The following SEMA3C variants were observed in gnomAD, a reference collection of about 807,000 sequenced individuals.
SEMA3C encodes semaphorin 3C.
In SEMA3C, 47 loss-of-function variants were observed where a neutral mutation model predicts 89.4. The observed-to-expected ratio is 0.53, with a 90% CI of 0.42 to 0.67. The LOEUF is 0.67. SEMA3C is among the 30% of genes least tolerant of loss of function. SEMA3C has a pLI of 0.00. For missense variants in SEMA3C, 839 were observed against 929.1 expected (o/e 0.90, Z 1.26); for synonymous variants, 310 against 320.2 (o/e 0.97, Z 0.34).
At chr7:80,768,407 G>A (rs1216953581) in intron 12 of SEMA3C, among the ~76,000 whole-genome samples, 5 of 152,040 alleles carry the variant, frequency 3.3e-5, no homozygotes, top group Non-Finnish European at 5.9e-5. Flanking sequence ...CTAGCTACGC[G>A]GGAGGCTGAG....
chr7:80,774,694 T>A (rs556039459), intron 12 of SEMA3C, among the ~76,000 whole-genome samples: 1 of 152,024 alleles, frequency 6.6e-6, no homozygotes, highest in African/African-American at 2.4e-5. Flanking sequence ...GGGAAAAAGA[T>A]TGAAGAAGGT....
intron 2 of SEMA3C, among the ~76,000 whole-genome samples, chr7:80,882,112 T>C (rs1336257332): frequency 6.6e-6 from 1 of 152,134 alleles, no homozygotes; most frequent in Non-Finnish European, 1.5e-5. Flanking sequence ...CATCAGCATA[T>C]AAAAGAACTA....
intron 2 of SEMA3C, among the ~76,000 whole-genome samples, chr7:80,861,369 C>T (rs1259147692): frequency 6.6e-6 from 1 of 152,078 alleles, no homozygotes; most frequent in Non-Finnish European, 1.5e-5. Context: ...AAATTTGCCA[C>T]TTAATAGCAT....
chr7:80,907,847 G>C (rs141543040), intron 2 of SEMA3C, among the ~76,000 whole-genome samples: 341 of 151,970 alleles, frequency 2.2e-3, no homozygotes, highest in African/African-American at 7.6e-3. Flanking sequence ...TACAAGGGCA[G>C]ACATGTTATT....
chr7:80,759,224 G>T (rs1788132330), intron 14 of SEMA3C, among the ~76,000 whole-genome samples: 1 of 152,106 alleles, frequency 6.6e-6, no homozygotes, highest in Non-Finnish European at 1.5e-5. Flanking sequence ...CTGAAGGAAT[G>T]AGTCTCTAAT....
chr7:80,825,226 T>C (rs1480839013), intron 4 of SEMA3C, among the ~76,000 whole-genome samples: 1 of 152,174 alleles, frequency 6.6e-6, no homozygotes, highest in Non-Finnish European at 1.5e-5. Context: ...TATAAGTATT[T>C]CACATGTATG....
rs1427680080 is a variant in SEMA3C, at chr7:80,818,229, C to G, written c.447+70G>C. The G allele has an allele frequency of 5.0e-6, 7 of 1,405,484 alleles. No individual in the cohort carries two copies. In the Admixed American group the frequency reaches 1.2e-4, roughly 25 times the overall value. The allele number at this position is 1,405,484 out of a possible 1,614,324, so 87.1% of individuals were successfully genotyped here. On this transcript the variant is annotated intron_variant, in intron 5 of 17. Coordinates refer to ENST00000265361, the MANE Select transcript of SEMA3C (RefSeq NM_006379.5). ...GAATATTGATATGTCCAAGTTTTTA[C>G]TCTAAAATACAGTTTCAAAAATCCT...
chr7:80,856,680 G>A (rs1385492767), intron 2 of SEMA3C, among the ~76,000 whole-genome samples: 1 of 150,196 alleles, frequency 6.7e-6, no homozygotes, highest in Admixed American at 6.6e-5. Flanking sequence ...GAAAAAAAAT[G>A]TTATAAACAT....
intron 2 of SEMA3C, among the ~76,000 whole-genome samples, chr7:80,840,984 C>G (rs897143893): frequency 6.6e-6 from 1 of 152,046 alleles, no homozygotes; most frequent in African/African-American, 2.4e-5. Flanking sequence ...TAGAAACCCT[C>G]AGGTGGGAGA....
At chr7:80,753,824 A>G (rs746682600) in intron 15 of SEMA3C, among the ~76,000 whole-genome samples, 4 of 152,248 alleles carry the variant, frequency 2.6e-5, no homozygotes, top group Non-Finnish European at 5.9e-5. Flanking sequence ...TCCAGAACAA[A>G]TACTGTTAGA....
At chr7:80,758,661 A>G (rs2272354) in intron 14 of SEMA3C, among the ~76,000 whole-genome samples, 173 bp from the exon 15 acceptor site, 52,866 of 152,102 alleles carry the variant, frequency 0.35, 11,979 homozygotes, top group African/African-American at 0.64. Flanking sequence ...ATTTTCCTAC[A>G]TTAATATGCC....
intron 12 of SEMA3C, among the ~76,000 whole-genome samples, chr7:80,778,084 A>G (rs1189708255): frequency 3.3e-5 from 5 of 152,170 alleles, no homozygotes; most frequent in African/African-American, 1.2e-4. Context: ...CCCCCATAAT[A>G]TGGTATTGGC....
At chr7:80,798,324 G>C in intron 10 of SEMA3C, 88 bp from the exon 11 acceptor site, 2 of 1,137,782 alleles carry the variant, frequency 1.8e-6, no homozygotes, top group Non-Finnish European at 2.3e-6. Flanking sequence ...ATGATAAAAA[G>C]TTAATATAAT....
rs73370826 is a variant in SEMA3C at position 80,744,473 on chromosome 7, C to T, written c.*421G>A. ...TCATATGCATTTATGACTTTTACTA[C>T]GTAAAAGCTGTGGATTTGGAACTTG... On this transcript the variant is annotated 3_prime_UTR_variant, in exon 18 of 18. Transcript: ENST00000265361. 2,513 of 180,200 alleles carry T rather than the reference C, an allele frequency of 0.014. 45 individuals carry two copies. The highest frequency in any genetic ancestry group is 0.046 in the South Asian group (353 of 7,676). 11.2% of individuals were successfully genotyped at this position (180,200 alleles called of 1,614,324 possible).
chr7:80,873,420 C>T (rs1029014654), intron 2 of SEMA3C, among the ~76,000 whole-genome samples: 4 of 152,158 alleles, frequency 2.6e-5, no homozygotes, highest in Admixed American at 1.3e-4. Flanking sequence ...ATGATGATGA[C>T]GATGAGATAC....
rs983619024 is a variant in SEMA3C, at chr7:80,784,373, AT to A, written c.1354+4932del. ...TTAAAATACATTTTTTCAACCTGTG[AT>A]TTTTTTTTTATAGACAGTAGTATCA... On this transcript the variant is annotated intron_variant, in intron 12 of 17. Coordinates refer to ENST00000265361, the MANE Select transcript of SEMA3C (RefSeq NM_006379.5). 3.8e-4 allele frequency among the ~76,000 whole-genome samples: 56 copies of A among 148,752 alleles called. No individual in the cohort carries two copies. The East Asian group carries it at 5.3e-3, about 14-fold the overall frequency.
At chr7:80,763,815 C>T (rs997846075) in intron 13 of SEMA3C, among the ~76,000 whole-genome samples, 20 of 152,026 alleles carry the variant, frequency 1.3e-4, no homozygotes, top group African/African-American at 4.8e-4. Flanking sequence ...AAAATATGTT[C>T]TATATAATGT....
At chr7:80,854,230 A>AG (rs1215605853) in intron 2 of SEMA3C, among the ~76,000 whole-genome samples, 1 of 152,172 alleles carries the variant, frequency 6.6e-6, no homozygotes, top group Non-Finnish European at 1.5e-5. Flanking sequence ...AATGACAAAA[A>AG]GCCTTTTCAA....
At chr7:80,869,145 T>C (rs1790998026) in intron 2 of SEMA3C, among the ~76,000 whole-genome samples, 1 of 152,212 alleles carries the variant, frequency 6.6e-6, no homozygotes, top group Non-Finnish European at 1.5e-5. Context: ...GCACAATTTT[T>C]AGTCGCTGGA....
Sources: allele counts gnomAD v4.1 joint callset (sites outside exome capture counted in the v4.1 genomes callset), GRCh38; gene constraint gnomAD v4.1.1; transcripts MANE v1.5; gene names NCBI Gene and HGNC (gene_info 2026-07-23, HGNC 2026-07-21).